Variants in KCMF1 observed in about 807,000 individuals in gnomAD.
KCMF1 encodes E3 ubiquitin-protein ligase KCMF1.
A neutral mutation model predicts 41.1 loss-of-function variants in KCMF1; 3 were observed. The ratio of observed to expected loss-of-function variants is 0.07; its 90% CI spans 0.03 to 0.19. The LOEUF is 0.19. Among genes scored for constraint, KCMF1 ranks in the 10% least tolerant of loss-of-function variants. KCMF1 has a pLI of 1.00. For synonymous variants in KCMF1, 142 were observed against 164.5 expected (o/e 0.86, Z 1.04); for missense variants, 286 against 488.9 (o/e 0.58, Z 3.91).
chr2:84,980,082 C>A (rs547032306), intron 1 of KCMF1, among the ~76,000 whole-genome samples: 1 of 152,054 alleles, frequency 6.6e-6, no homozygotes, highest in East Asian at 1.9e-4. Flanking sequence ...ATCTGCCCAC[C>A]TCAGCCTCCC....
At chr2:85,008,347 A>AATATATATCATATATAATATATAATATG (rs1553379360) in intron 1 of KCMF1, among the ~76,000 whole-genome samples, 2 of 7,334 alleles carry the variant, frequency 2.7e-4, no homozygotes, top group East Asian at 0.013. Flanking sequence ...TATGATATAT[A>AATATATATCATATATAATATATAATATG]ATATATAATA....
intron 2 of KCMF1, among the ~76,000 whole-genome samples, chr2:85,028,768 G>A (rs796361011): frequency 6.6e-5 from 10 of 152,036 alleles, no homozygotes; most frequent in African/African-American, 2.4e-4. Flanking sequence ...GATTACAGGC[G>A]TAAGCCACCG....
At chr2:84,979,538 A>T (rs1673649816) in intron 1 of KCMF1, among the ~76,000 whole-genome samples, 1 of 151,172 alleles carries the variant, frequency 6.6e-6, no homozygotes, top group African/African-American at 2.4e-5. Context: ...AAAAAAAAAA[A>T]TCACTTTATA....
chr2:85,018,176 C>T (rs1674830536), intron 1 of KCMF1, among the ~76,000 whole-genome samples: 1 of 151,942 alleles, frequency 6.6e-6, no homozygotes, highest in African/African-American at 2.4e-5. Context: ...ACAAATATAA[C>T]ACCGTAACCT....
chr2:84,976,306 G>A (rs767254198), intron 1 of KCMF1, among the ~76,000 whole-genome samples: 9 of 150,384 alleles, frequency 6.0e-5, no homozygotes, highest in Admixed American at 1.3e-4. Flanking sequence ...TCCTGTGTTC[G>A]AGTGATTCTC....
intron 1 of KCMF1, among the ~76,000 whole-genome samples, chr2:85,001,020 G>A (rs1674313941): frequency 6.7e-6 from 1 of 149,398 alleles, no homozygotes; most frequent in African/African-American, 2.5e-5. Flanking sequence ...GTAGGGATGG[G>A]GTCTCACTAT....
At chr2:85,010,971 G>A (rs1674637239) in intron 1 of KCMF1, among the ~76,000 whole-genome samples, 1 of 151,824 alleles carries the variant, frequency 6.6e-6, no homozygotes, top group Admixed American at 6.6e-5. Flanking sequence ...AGCCTCCCGA[G>A]TAGCTGGGAC....
At chr2:85,002,333 C>T (rs536170281) in intron 1 of KCMF1, among the ~76,000 whole-genome samples, 140 of 152,292 alleles carry the variant, frequency 9.2e-4, no homozygotes, top group Middle Eastern at 3.4e-3. Context: ...TTGACCATAA[C>T]GCATGCATTG....
chr2:85,008,270 A>ATATGATATATAATATATATC (rs1674527427), intron 1 of KCMF1, among the ~76,000 whole-genome samples: 1 of 101,410 alleles, frequency 9.9e-6, no homozygotes, highest in African/African-American at 4.0e-5. Flanking sequence ...TATCATATAT[A>ATATGATATATAATATATATC]ATATATAATA....
intron 6 of KCMF1, among the ~76,000 whole-genome samples, chr2:85,052,076 G>A (rs1161551282): frequency 3.3e-5 from 5 of 152,122 alleles, no homozygotes; most frequent in Non-Finnish European, 5.9e-5. Flanking sequence ...AAGTCAGATC[G>A]GTCTTTTTTT....
At chr2:85,012,946 G>C (rs988458448) in intron 1 of KCMF1, among the ~76,000 whole-genome samples, 8 of 152,144 alleles carry the variant, frequency 5.3e-5, no homozygotes, top group Admixed American at 5.2e-4. Context: ...CTGGATTTAG[G>C]ATAACTGCTC....
intron 1 of KCMF1, among the ~76,000 whole-genome samples, chr2:85,014,945 C>T (rs1267630418): frequency 1.3e-5 from 2 of 151,872 alleles, no homozygotes; most frequent in Non-Finnish European, 2.9e-5. Flanking sequence ...TGGTGGCTTA[C>T]TCCTAGAGGT....
At chr2:85,040,351 G>A (rs1405310683) in intron 3 of KCMF1, among the ~76,000 whole-genome samples, 2 of 152,054 alleles carry the variant, frequency 1.3e-5, no homozygotes. Flanking sequence ...GAGTTTTCCT[G>A]TCCTGTAAGA....
chr2:85,000,317 G>A (rs968894435), intron 1 of KCMF1, among the ~76,000 whole-genome samples: 1 of 149,826 alleles, frequency 6.7e-6, no homozygotes. Context: ...TAGAGACGGG[G>A]TTTCACCGTG....
In KCMF1 at chr2:85,053,233, C is replaced by T; in HGVS notation, c.970C>T (p.Leu324Phe). 1.2e-6 allele frequency: 2 copies of T among 1,614,044 alleles called. No homozygotes were observed. The highest frequency in any genetic ancestry group is 8.5e-7 in the Non-Finnish European group (1 of 1,179,900). Residue 324 changes from leucine (L) to phenylalanine (F), a missense_variant, in exon 7 of 7, where the codon CTT (leucine) becomes TTT (phenylalanine). Around this residue, in one of 2 missense-constraint regions of KCMF1, gnomAD observed 191 missense variants for 279.3 expected, o/e 0.68. Coordinates refer to ENST00000409785, the MANE Select transcript of KCMF1 (RefSeq NM_020122.5). ...ADRSLFVQEL[L>F]LSTLVREESS... ...CCGCAGCCTGTTTGTCCAAGAGCTC[C>T]TTCTGTCCACTTTAGTGCGTGAAGA...
intron 1 of KCMF1, among the ~76,000 whole-genome samples, chr2:84,973,015 GTAAT>G (rs1559122564): frequency 2.0e-5 from 3 of 152,136 alleles, no homozygotes; most frequent in African/African-American, 2.4e-5. Context: ...TTAAGAACTC[GTAAT>G]TAAAGTTATA....
chr2:84,978,947 C>G (rs979095284), intron 1 of KCMF1, among the ~76,000 whole-genome samples: 2 of 152,058 alleles, frequency 1.3e-5, no homozygotes, highest in Admixed American at 1.3e-4. Context: ...CTCCTGACCT[C>G]AGGTGATCTG....
intron 1 of KCMF1, among the ~76,000 whole-genome samples, chr2:85,004,287 A>AAG (rs1674409884): frequency 6.6e-6 from 1 of 152,126 alleles, no homozygotes; most frequent in Admixed American, 6.5e-5. Flanking sequence ...CAAGGCGGGC[A>AAG]GATCACGATG....
chr2:85,039,058 A>G (rs1391016752), intron 3 of KCMF1, among the ~76,000 whole-genome samples: 2 of 152,200 alleles, frequency 1.3e-5, no homozygotes, highest in Admixed American at 6.5e-5. Context: ...GATGAAATTC[A>G]TATGAACTTT....
Sources: gnomAD v4.1 joint callset for allele counts (sites outside exome capture counted in the v4.1 genomes callset) on GRCh38, gnomAD v4.1.1 for gene constraint, gnomAD v4.1.1 regional missense constraint, MANE v1.5 for transcripts, NCBI Gene and HGNC (gene_info 2026-07-23, HGNC 2026-07-21) for gene names.